The following NAPEPLD variants were observed in gnomAD, a reference collection of about 807,000 sequenced individuals.
The protein encoded by NAPEPLD is N-acyl phosphatidylethanolamine phospholipase D, also known as N-acyl-phosphatidylethanolamine-hydrolyzing phospholipase D.
Under a neutral mutation model 38.1 loss-of-function variants are expected in NAPEPLD, and 23 were observed. The ratio of observed to expected loss-of-function variants is 0.60; its 90% CI spans 0.43 to 0.86. The LOEUF is 0.86. Ranked by LOEUF, NAPEPLD falls within the 40% of genes least tolerant of loss-of-function variation. The probability of loss-of-function intolerance (pLI) is 0.00; values close to 1 mark genes in which losing one functional copy is unlikely to be tolerated. For synonymous variants in NAPEPLD, 147 were observed against 162.0 expected (o/e 0.91, Z 0.71); for missense variants, 411 against 476.8 (o/e 0.86, Z 1.28).
chr7:103,103,540 A>G lies in NAPEPLD; in HGVS notation c.1071T>C (p.Pro357=). The G allele has an allele frequency of 6.3e-7, 1 of 1,586,846 alleles. No homozygotes were observed. Among genetic ancestry groups the G allele is most frequent in the Non-Finnish European group, 8.5e-7 (1 of 1,172,774 alleles). The change falls in exon 5 of 5, where the codon CCT becomes CCC. Residue 357 remains proline (P), a synonymous_variant. Coordinates refer to ENST00000465647, the MANE Select transcript of NAPEPLD (RefSeq NM_001122838.3). ...CTAGAGCTTCATTCAGCTTCACTGG[A>G]GGCTCTAAGTAATGCTGGCCAAAGA... ...FALANEHYLE[P]PVKLNEALER...
In NAPEPLD at chr7:103,100,855, TTGA is replaced by T. The variant is rs938152326; in HGVS notation, c.*2571_*2573del. ...GAGATTCTGTAAGCAGAGATGAAGCTTGATGTTCTTAATGAATAGTGTCAGTGT... is the reference window on the plus strand; with the variant it reads ...GAGATTCTGTAAGCAGAGATGAAGCTTGTTCTTAATGAATAGTGTCAGTGT... On this transcript the variant is annotated 3_prime_UTR_variant, in exon 5 of 5. Transcript: ENST00000465647. 6.6e-6 allele frequency: 1 copy of T among 152,208 alleles called. No homozygotes were observed. Among genetic ancestry groups the T allele is most frequent in the African/African-American group, 2.4e-5 (1 of 41,450 alleles). 9.4% of individuals were successfully genotyped at this position (152,208 alleles called of 1,614,324 possible). A position where few individuals can be genotyped will look rare whatever the true frequency, so the allele number is the denominator to read the frequency against.
chr7:103,120,123 T>C lies in NAPEPLD; in HGVS notation c.395A>G (p.His132Arg), dbSNP rs1478460782. 2.5e-6 allele frequency: 4 copies of C among 1,614,112 alleles called. No homozygotes were observed. The highest frequency in any genetic ancestry group is 2.7e-5 in the African/African-American group (2 of 74,932). ...ATCCATTTCCACCATTACCGTGGCATGTCCCAGCCATGTGACTCTTAAGCC... is the reference window on the plus strand; with the variant it reads ...ATCCATTTCCACCATTACCGTGGCACGTCCCAGCCATGTGACTCTTAAGCC... ...EAGLRVTWLG[H>R]ATVMVEMDEL... Residue 132 changes from histidine (H) to arginine (R), a missense_variant, in exon 3 of 5, where the codon CAT (histidine) becomes CGT (arginine). By Grantham distance (29) the His-to-Arg change is conservative. Transcript: ENST00000465647.
upstream of NAPEPLD, chr7:103,149,303 G>A (rs1033379344): frequency 8.9e-5 from 96 of 1,078,366 alleles, no homozygotes; most frequent in African/African-American, 1.5e-3. Flanking sequence ...GGCCGGGAGC[G>A]CGCGCCGCCT....
chr7:103,103,735 TAAGTC>T (rs988092232), intron 4 of NAPEPLD, among the ~76,000 whole-genome samples, 181 bp from the exon 5 acceptor site: 16 of 152,190 alleles, frequency 1.1e-4, no homozygotes, highest in African/African-American at 3.6e-4. Context: ...AGTCATGAAT[TAAGTC>T]AACAGGTATT....
rs183528477 is a variant in NAPEPLD, at chr7:103,140,606, G to A, written c.-17+8205C>T. Among the ~76,000 whole-genome samples the A allele has an allele frequency of 6.4e-4, 97 of 152,028 alleles. 1 individual carries two copies. The highest frequency in any genetic ancestry group is 6.0e-4 in the Non-Finnish European group (41 of 67,972). On this transcript the variant is annotated intron_variant, in intron 1 of 4. Transcript: ENST00000465647. ...GACGGGGTTTCACCATGTTAGCCAG[G>A]ACGGTCTCAATCTCCTGACCTCGTG...
intron 4 of NAPEPLD, among the ~76,000 whole-genome samples, chr7:103,106,220 T>C (rs989198424): frequency 2.0e-5 from 3 of 152,176 alleles, no homozygotes; most frequent in Non-Finnish European, 4.4e-5. Context: ...GCCCAGATAC[T>C]GCACTTTTCC....
Position 103,141,086 on chromosome 7 carries a change from C to T in NAPEPLD, c.-17+7725G>A, listed in dbSNP as rs569895360. Among the ~76,000 whole-genome samples, 8 of 152,160 alleles carry T rather than the reference C, an allele frequency of 5.3e-5. No individual in the cohort carries two copies. The East Asian group carries it at 1.5e-3, about 29-fold the overall frequency. On this transcript the variant is annotated intron_variant, in intron 1 of 4. Transcript: ENST00000465647. Reference sequence around the variant, plus strand: ...ACTATCATATTGTTCCCCCCATCTGCTTTTTCCATGGCCAAAACAGGTTTT... The same window carrying T: ...ACTATCATATTGTTCCCCCCATCTGTTTTTTCCATGGCCAAAACAGGTTTT...
At chr7:103,127,076 A>G (rs951761080) in intron 2 of NAPEPLD, 1 of 152,196 alleles carries the variant, frequency 6.6e-6, no homozygotes, top group Non-Finnish European at 1.5e-5. Context: ...GATACAGATG[A>G]AATTTCCTAG....
At chr7:103,122,007 G>GT (rs1335039331) in intron 2 of NAPEPLD, among the ~76,000 whole-genome samples, 1 of 152,110 alleles carries the variant, frequency 6.6e-6, no homozygotes, top group Non-Finnish European at 1.5e-5. Context: ...CAGGAATGTG[G>GT]TGTTTGAGGG....
intron 1 of NAPEPLD, chr7:103,141,625 C>G: frequency 1.1e-6 from 1 of 895,800 alleles, no homozygotes; most frequent in Non-Finnish European, 1.9e-6. Flanking sequence ...ATCTTCTGAG[C>G]AGCCGGTGCA....
At chr7:103,138,756 C>T (rs1810608968) in intron 1 of NAPEPLD, among the ~76,000 whole-genome samples, 1 of 152,230 alleles carries the variant, frequency 6.6e-6, no homozygotes, top group African/African-American at 2.4e-5. Flanking sequence ...AGGCGTGAGC[C>T]ACCACACCCA....
intron 1 of NAPEPLD, chr7:103,141,913 C>T (rs755630223): frequency 4.0e-6 from 4 of 1,001,936 alleles, no homozygotes; most frequent in East Asian, 2.4e-5. Context: ...TAGAGGCAAG[C>T]CTCTTCTGAA....
intron 4 of NAPEPLD, among the ~76,000 whole-genome samples, chr7:103,111,359 A>C (rs931287290): frequency 3.3e-5 from 5 of 152,234 alleles, no homozygotes; most frequent in African/African-American, 1.2e-4. Flanking sequence ...ACTTCAAGCT[A>C]TACTACAAGG....
chr7:103,132,030 CTT>C (rs1809055636), intron 1 of NAPEPLD, among the ~76,000 whole-genome samples: 1 of 152,168 alleles, frequency 6.6e-6, no homozygotes, highest in Non-Finnish European at 1.5e-5. Flanking sequence ...AGGAGAATTG[CTT>C]GAACCCAGGA....
At chr7:103,141,807 T>C (rs1249302889) in intron 1 of NAPEPLD, 6 of 905,238 alleles carry the variant, frequency 6.6e-6, no homozygotes, top group Admixed American at 3.4e-5. Flanking sequence ...CCATCTTTGA[T>C]CAGCTTCCGG....
intron 4 of NAPEPLD, 94 bp from the exon 5 acceptor site, chr7:103,103,648 G>T: frequency 7.6e-7 from 1 of 1,316,618 alleles, no homozygotes; most frequent in Non-Finnish European, 1.0e-6. Context: ...ACCAACAGAT[G>T]CCTAGTTAGA....
Position 103,101,826 on chromosome 7 carries a change from T to C in NAPEPLD, c.*1603A>G, listed in dbSNP as rs1224432777. 1 of 152,270 alleles carries C rather than the reference T, an allele frequency of 6.6e-6. No individual in the cohort carries two copies. The highest frequency in any genetic ancestry group is 1.5e-5 in the Non-Finnish European group (1 of 68,032). The allele number at this position is 152,270 out of a possible 1,614,324, so 9.4% of individuals were successfully genotyped here. ...ATTATAGAGCACTGCCTGGGTAGCA[T>C]TTGGTGTAGAAAACCTATTTTGATT... On this transcript the variant is annotated 3_prime_UTR_variant, in exon 5 of 5. Coordinates refer to ENST00000465647, the MANE Select transcript of NAPEPLD (RefSeq NM_001122838.3).
chr7:103,116,058 TTTTTTC>T (rs1429111644), intron 3 of NAPEPLD, among the ~76,000 whole-genome samples: 1 of 24,050 alleles, frequency 4.2e-5, no homozygotes, highest in Non-Finnish European at 3.8e-3. Flanking sequence ...AGTTTTTTCT[TTTTTTC>T]TTTTTTTTTT....
Position 103,101,770 on chromosome 7 carries a change from C to T in NAPEPLD, c.*1659G>A, listed in dbSNP as rs1270974243. 2 of 152,546 alleles carry T rather than the reference C, an allele frequency of 1.3e-5. No homozygotes were observed. The highest frequency in any genetic ancestry group is 4.8e-5 in the African/African-American group (2 of 41,446). The allele number at this position is 152,546 out of a possible 1,614,324, so 9.4% of individuals were successfully genotyped here. On this transcript the variant is annotated 3_prime_UTR_variant, in exon 5 of 5. Coordinates refer to ENST00000465647, the MANE Select transcript of NAPEPLD (RefSeq NM_001122838.3). ...GTAAAAGTTCAGATTTAGTGGCTAA[C>T]GTGGCACCACACATACAGGTGTGCA...
Sources: allele counts gnomAD v4.1 joint callset (sites outside exome capture counted in the v4.1 genomes callset), GRCh38; gene constraint gnomAD v4.1.1; transcripts MANE v1.5; gene names NCBI Gene and HGNC (gene_info 2026-07-23, HGNC 2026-07-21).